UMAD1: variants seen among roughly 807,000 people sequenced by gnomAD.
UMAD1 encodes the protein UBAP1-MVB12-associated (UMA) domain containing 1.
UMAD1 carries 8 observed loss-of-function variants against 6.1 expected under a neutral mutation model. The ratio of observed to expected loss-of-function variants is 1.30; its 90% confidence interval spans 0.76 to 2.35. The LOEUF (loss-of-function observed/expected upper bound fraction) is 2.35. Among genes scored for constraint, UMAD1 ranks in the 30% most tolerant of loss-of-function variants. The pLI, the probability that UMAD1 is intolerant of heterozygous loss-of-function variation, is 0.00. For synonymous variants in UMAD1, 56 were observed against 31.4 expected, an observed-to-expected ratio of 1.78 and a Z score of -2.61; for missense variants, 130 against 78.4, an observed-to-expected ratio of 1.66 and a Z score of -2.49.
chr7:7,670,929 G>T (rs1291976889), intron 1 of UMAD1, among the ~76,000 whole-genome samples: 1 of 152,106 alleles, frequency 6.6e-6, no homozygotes, highest in Non-Finnish European at 1.5e-5. Flanking sequence ...TCCTGGGAGA[G>T]GCTCCTCCAT....
chr7:7,747,707 G>A (rs1781598892), intron 2 of UMAD1, among the ~76,000 whole-genome samples: 1 of 152,166 alleles, frequency 6.6e-6, no homozygotes, highest in Non-Finnish European at 1.5e-5. Context: ...CTAGGTCAGG[G>A]TTTCAGGAAA....
chr7:7,660,445 G>A (rs922140593), intron 1 of UMAD1, among the ~76,000 whole-genome samples: 1 of 152,170 alleles, frequency 6.6e-6, no homozygotes, highest in Non-Finnish European at 1.5e-5. Context: ...GGTACCTGTT[G>A]TTCCTTTCCA....
At chr7:7,703,939 TAAC>T (rs1160578571) in intron 2 of UMAD1, among the ~76,000 whole-genome samples, 2 of 151,590 alleles carry the variant, frequency 1.3e-5, no homozygotes, top group Non-Finnish European at 2.9e-5. Context: ...ACCTGTCTCT[TAAC>T]AAAGGAAAGA....
chr7:7,734,961 T>C (rs1467665584), intron 2 of UMAD1, among the ~76,000 whole-genome samples: 2 of 152,178 alleles, frequency 1.3e-5, no homozygotes, highest in South Asian at 2.1e-4. Context: ...ATAGTAAATA[T>C]AAAATTGTAT....
At chr7:7,782,575 T>C (rs1276008317) in intron 2 of UMAD1, among the ~76,000 whole-genome samples, 2 of 152,164 alleles carry the variant, frequency 1.3e-5, no homozygotes, top group African/African-American at 2.4e-5. Context: ...ATTGTAGGGT[T>C]ATTTTTTTGT....
At position 7,766,051 on chromosome 7, in the gene UMAD1, TGGATCTTCTGTTA is replaced by T. The variant is rs769041662; in HGVS notation, c.83-35617_83-35605del. On this transcript the variant is annotated intron_variant, in intron 2 of 3. Transcript: ENST00000682710. ...TAGCCTTCTGGTCATTTGTTTGGGA[TGGATCTTCTGTTA>T]GAATCCAGATATGGCAGATAGAACC... is the stretch of plus-strand genomic sequence containing the variant. Among the ~76,000 whole-genome samples, 212 of 152,312 alleles carry T rather than the reference TGGATCTTCTGTTA, an allele frequency of 1.4e-3. 2 individuals carry two copies. The highest frequency in any genetic ancestry group is 1.0e-3 in the Non-Finnish European group (69 of 68,012).
At chr7:7,804,983 GAAAACAAAACAAAAC>G (rs59013853) in intron 3 of UMAD1, among the ~76,000 whole-genome samples, 11,611 of 151,544 alleles carry the variant, frequency 0.077, 1,054 homozygotes, top group African/African-American at 0.22. Flanking sequence ...TCCTTCTCAA[GAAAACAAAACAAAAC>G]AAAACAAAAC....
chr7:7,831,039 A>G (rs1261515176), intron 3 of UMAD1, among the ~76,000 whole-genome samples: 1 of 152,190 alleles, frequency 6.6e-6, no homozygotes, highest in Non-Finnish European at 1.5e-5. Context: ...AGATAATATT[A>G]CAACAAATAC....
intron 2 of UMAD1, among the ~76,000 whole-genome samples, chr7:7,709,781 G>GTT (rs563873791): frequency 6.7e-6 from 1 of 148,532 alleles, no homozygotes; most frequent in African/African-American, 2.5e-5. Context: ...ACCTTTTAAA[G>GTT]TTTTTTTTTT....
chr7:7,824,409 C>T (rs1783302810), intron 3 of UMAD1, among the ~76,000 whole-genome samples: 2 of 152,094 alleles, frequency 1.3e-5, no homozygotes, highest in Admixed American at 1.3e-4. Context: ...ACATTCATAT[C>T]ATCAGGTTTT....
chr7:7,777,819 A>G (rs1782250220), intron 2 of UMAD1, among the ~76,000 whole-genome samples: 1 of 152,076 alleles, frequency 6.6e-6, no homozygotes, highest in African/African-American at 2.4e-5. Flanking sequence ...TTTTCAATAT[A>G]GTTAAGGGGG....
intron 3 of UMAD1, among the ~76,000 whole-genome samples, chr7:7,856,674 G>A (rs138270898): frequency 1.5e-4 from 23 of 152,098 alleles, no homozygotes; most frequent in African/African-American, 5.3e-4. Flanking sequence ...CGTATGAGAT[G>A]GTCATGTGGT....
intron 2 of UMAD1, among the ~76,000 whole-genome samples, chr7:7,683,598 C>T (rs972156851): frequency 5.3e-5 from 8 of 151,994 alleles, no homozygotes; most frequent in African/African-American, 1.4e-4. Flanking sequence ...CATACATGAT[C>T]CTATGAAATG....
chr7:7,667,566 C>T (rs1049439665), intron 1 of UMAD1, among the ~76,000 whole-genome samples: 2 of 152,128 alleles, frequency 1.3e-5, no homozygotes, highest in African/African-American at 2.4e-5. Flanking sequence ...AGTTTTGGAT[C>T]ATTGTCTGGC....
chr7:7,754,397 A>G (rs1184633532), intron 2 of UMAD1, among the ~76,000 whole-genome samples: 1 of 152,094 alleles, frequency 6.6e-6, no homozygotes, highest in East Asian at 1.9e-4. Context: ...TGCCATTTGC[A>G]TGTCTTCTTT....
At chr7:7,767,175 A>G (rs1484103512) in intron 2 of UMAD1, among the ~76,000 whole-genome samples, 1 of 142,328 alleles carries the variant, frequency 7.0e-6, no homozygotes, top group Non-Finnish European at 1.5e-5. Flanking sequence ...CCCAGGCTGG[A>G]GTGCAGTGGC....
At chr7:7,872,413 A>G (rs1289177051) in intron 3 of UMAD1, among the ~76,000 whole-genome samples, 1 of 152,246 alleles carries the variant, frequency 6.6e-6, no homozygotes, top group African/African-American at 2.4e-5. Flanking sequence ...TGGTGGAACA[A>G]TCAGAACACA....
chr7:7,660,847 T>C (rs1269364628), intron 1 of UMAD1, among the ~76,000 whole-genome samples: 4 of 152,216 alleles, frequency 2.6e-5, no homozygotes, highest in African/African-American at 9.6e-5. Flanking sequence ...AATGTTGGCC[T>C]GTCTTGCTAG....
chr7:7,717,145 C>G (rs1780936075), intron 2 of UMAD1, among the ~76,000 whole-genome samples: 1 of 151,050 alleles, frequency 6.6e-6, no homozygotes, highest in Non-Finnish European at 1.5e-5. Flanking sequence ...CAACCTCCGT[C>G]TCCCGGGTTC....
Sources: allele counts gnomAD v4.1 joint callset (sites outside exome capture counted in the v4.1 genomes callset), GRCh38; gene constraint gnomAD v4.1.1; transcripts MANE v1.5; gene names NCBI Gene and HGNC (gene_info 2026-07-23, HGNC 2026-07-21).